The following DLGAP2 variants were observed in gnomAD, a reference collection of about 807,000 sequenced individuals.
DLGAP2 encodes the protein DLG associated protein 2.
Under a neutral mutation model 100.3 loss-of-function variants are expected in DLGAP2, and 26 were observed. The observed-to-expected ratio is 0.26, with a 90% CI of 0.19 to 0.36. DLGAP2 has a LOEUF of 0.36. Among genes scored for constraint, DLGAP2 ranks in the 10% least tolerant of loss-of-function variants. The pLI is 1.00. For missense variants in DLGAP2, 1,858 were observed against 1,453.2 expected, an observed-to-expected ratio of 1.28 and a Z score of -4.53; for synonymous variants, 886 against 630.1, an observed-to-expected ratio of 1.41 and a Z score of -6.08.
chr8:1,170,212 C>G (rs1797100059), intron 2 of DLGAP2, among the ~76,000 whole-genome samples: 1 of 152,196 alleles, frequency 6.6e-6, no homozygotes, highest in Admixed American at 6.5e-5. Context: ...TTGAACCAGC[C>G]TTGCATCCCA....
chr8:1,231,423 GTT>G (rs1364006555), intron 2 of DLGAP2, among the ~76,000 whole-genome samples: 1 of 152,206 alleles, frequency 6.6e-6, no homozygotes, highest in Non-Finnish European at 1.5e-5. Flanking sequence ...GTGGAAAGCA[GTT>G]TGGAGATTTC....
intron 6 of DLGAP2, among the ~76,000 whole-genome samples, chr8:1,587,043 G>GA (rs1395708517): frequency 3.3e-5 from 5 of 152,198 alleles, no homozygotes; most frequent in African/African-American, 1.2e-4. Context: ...GTCCTAGCGG[G>GA]AGGGGCAAGG....
chr8:1,258,108 C>G (rs1012030662), intron 2 of DLGAP2, among the ~76,000 whole-genome samples: 3 of 152,180 alleles, frequency 2.0e-5, no homozygotes, highest in Non-Finnish European at 4.4e-5. Context: ...ACTCAGGGAC[C>G]TACATACAGG....
At chr8:1,287,154 G>GCGCGCGCGCGCGCGTGGTTC in intron 3 of DLGAP2, among the ~76,000 whole-genome samples, 1 of 127,654 alleles carries the variant, frequency 7.8e-6, no homozygotes. Context: ...GTGTGTGTGT[G>GCGCGCGCGCGCGCGTGGTTC]TGTGCGCGCG....
intron 1 of DLGAP2, among the ~76,000 whole-genome samples, chr8:898,161 G>A (rs529484411): frequency 1.3e-5 from 2 of 152,334 alleles, no homozygotes; most frequent in South Asian, 2.1e-4. Flanking sequence ...TCAGTCAGCC[G>A]CTGAGGGCTG....
chr8:1,471,688 C>CTCT (rs35097249), intron 3 of DLGAP2, among the ~76,000 whole-genome samples: 69,904 of 151,614 alleles, frequency 0.46, 17,123 homozygotes, highest in African/African-American at 0.61. Context: ...TGGGAAATGC[C>CTCT]TCTTCAAGAC....
intron 2 of DLGAP2, among the ~76,000 whole-genome samples, chr8:1,018,313 A>G (rs1477300241): frequency 6.6e-6 from 1 of 152,174 alleles, no homozygotes; most frequent in Non-Finnish European, 1.5e-5. Context: ...GTGTGACTAA[A>G]CTGAGCTGTG....
At chr8:1,076,865 C>T (rs531531353) in intron 2 of DLGAP2, among the ~76,000 whole-genome samples, 19 of 147,914 alleles carry the variant, frequency 1.3e-4, no homozygotes, top group Non-Finnish European at 6.0e-5. Flanking sequence ...TGTCCTGGGC[C>T]CCCCCAATAC....
chr8:1,212,228 C>T (rs1221828592), intron 2 of DLGAP2, among the ~76,000 whole-genome samples: 2 of 152,210 alleles, frequency 1.3e-5, no homozygotes, highest in East Asian at 1.9e-4. Flanking sequence ...CGCAGGTTGT[C>T]TCATCCTTCG....
chr8:1,673,327 T>C, intron 10 of DLGAP2, among the ~76,000 whole-genome samples: 1 of 152,228 alleles, frequency 6.6e-6, no homozygotes, highest in Non-Finnish European at 1.5e-5. Flanking sequence ...CTTTCCATTG[T>C]ATAAAATAAT....
rs1345734360 is a variant in DLGAP2 at position 1,707,073 on chromosome 8, C to G, written c.*5667C>G. Reference sequence around the variant, plus strand: ...AGAAGAAATGTTCGTTACCTACTATCAAACTACTTTTTAACAGATTTTGTA... The same window carrying G: ...AGAAGAAATGTTCGTTACCTACTATGAAACTACTTTTTAACAGATTTTGTA... On this transcript the variant is annotated 3_prime_UTR_variant, in exon 15 of 15. Transcript: ENST00000637795. 4 of 152,626 alleles carry G rather than the reference C, an allele frequency of 2.6e-5. No homozygotes were observed. Among genetic ancestry groups the G allele is most frequent in the African/African-American group, 9.7e-5 (4 of 41,438 alleles). 9.5% of individuals were successfully genotyped at this position (152,626 alleles called of 1,614,324 possible).
chr8:836,742 G>A (rs919980465), intron 1 of DLGAP2, among the ~76,000 whole-genome samples: 1 of 152,180 alleles, frequency 6.6e-6, no homozygotes, highest in Non-Finnish European at 1.5e-5. Context: ...CTAAGGAGAC[G>A]AGGGCGTTTC....
chr8:1,454,945 C>A (rs369891097), intron 3 of DLGAP2, among the ~76,000 whole-genome samples: 2 of 152,146 alleles, frequency 1.3e-5, no homozygotes, highest in African/African-American at 2.4e-5. Context: ...CTGAGCTTCC[C>A]CGCCCATCGG....
chr8:1,690,812 G>A (rs1799241310), intron 12 of DLGAP2, among the ~76,000 whole-genome samples: 1 of 151,584 alleles, frequency 6.6e-6, no homozygotes, highest in South Asian at 2.1e-4. Context: ...GTGGCCTGCT[G>A]ACTCATAGCA....
At chr8:1,336,016 C>G (rs1251406871) in intron 3 of DLGAP2, among the ~76,000 whole-genome samples, 1 of 152,114 alleles carries the variant, frequency 6.6e-6, no homozygotes, top group African/African-American at 2.4e-5. Flanking sequence ...GAAAACATCA[C>G]AATATAAAGA....
chr8:1,143,074 C>T (rs1360360230), intron 2 of DLGAP2, among the ~76,000 whole-genome samples: 1 of 152,226 alleles, frequency 6.6e-6, no homozygotes, highest in African/African-American at 2.4e-5. Context: ...CTGCCGGCCA[C>T]AGCGGGGCCA....
chr8:1,469,747 C>G (rs1358005749), intron 3 of DLGAP2, among the ~76,000 whole-genome samples: 1 of 152,106 alleles, frequency 6.6e-6, no homozygotes, highest in Non-Finnish European at 1.5e-5. Flanking sequence ...AAAACCAACC[C>G]CAGAAATGGG....
chr8:1,369,661 C>T (rs1434848232), intron 3 of DLGAP2: 1 of 152,242 alleles, frequency 6.6e-6, no homozygotes, highest in African/African-American at 2.4e-5. Flanking sequence ...TAAATCACAC[C>T]CACCTTGCAC....
At chr8:933,617 G>T (rs1262188266) in intron 2 of DLGAP2, among the ~76,000 whole-genome samples, 2 of 88,750 alleles carry the variant, frequency 2.3e-5, no homozygotes, top group Non-Finnish European at 2.2e-5. Flanking sequence ...GGCAGAGCCT[G>T]CTGTGGAGAC....
Sources: allele counts gnomAD v4.1 joint callset (sites outside exome capture counted in the v4.1 genomes callset), GRCh38; gene constraint gnomAD v4.1.1; transcripts MANE v1.5; gene names NCBI Gene and HGNC (gene_info 2026-07-23, HGNC 2026-07-21).